The following SSBP2 variants were observed in gnomAD, a reference collection of about 807,000 sequenced individuals.
SSBP2 encodes the protein single stranded DNA binding protein 2.
In SSBP2, 17 loss-of-function variants were observed where a neutral mutation model predicts 61.8. The observed-to-expected ratio is 0.28, with a 90% CI of 0.19 to 0.41. The LOEUF is 0.41. Among genes scored for constraint, SSBP2 ranks in the 10% least tolerant of loss-of-function variants. The pLI, the probability that SSBP2 is intolerant of heterozygous loss-of-function variation, is 1.00. For synonymous variants in SSBP2, 139 were observed against 141.3 expected, an observed-to-expected ratio of 0.98 and a Z score of 0.12; for missense variants, 310 against 458.7, an observed-to-expected ratio of 0.68 and a Z score of 2.96.
intron 1 of SSBP2, among the ~76,000 whole-genome samples, chr5:81,663,311 T>C (rs1750847189): frequency 2.0e-5 from 3 of 152,200 alleles, no homozygotes; most frequent in South Asian, 4.1e-4. Flanking sequence ...TATGTATGTA[T>C]ATAATACGAC....
chr5:81,606,225 A>G (rs1581151454), intron 4 of SSBP2, among the ~76,000 whole-genome samples: 1 of 152,300 alleles, frequency 6.6e-6, no homozygotes, highest in Middle Eastern at 3.4e-3. Flanking sequence ...CAGCAACACA[A>G]AAGCCTAGTT....
At chr5:81,686,028 G>A (rs1375707934) in intron 1 of SSBP2, among the ~76,000 whole-genome samples, 1 of 152,118 alleles carries the variant, frequency 6.6e-6, no homozygotes. Context: ...TTCCCAAAAG[G>A]TTAGACAGTA....
At chr5:81,716,079 C>A (rs367843) in intron 1 of SSBP2, among the ~76,000 whole-genome samples, 50,660 of 146,314 alleles carry the variant, frequency 0.35, 9,129 homozygotes, top group Admixed American at 0.51. Context: ...ACAACAACAA[C>A]AAAAAAAAAA....
intron 4 of SSBP2, among the ~76,000 whole-genome samples, chr5:81,561,812 C>A (rs1773060985): frequency 6.6e-6 from 1 of 152,100 alleles, no homozygotes; most frequent in East Asian, 1.9e-4. Context: ...TTTTTAAGGT[C>A]TTGAAAACTC....
chr5:81,503,316 T>G (rs1329384992), intron 5 of SSBP2, among the ~76,000 whole-genome samples: 1 of 151,938 alleles, frequency 6.6e-6, no homozygotes, highest in Non-Finnish European at 1.5e-5. Flanking sequence ...TAGCCGGGTG[T>G]GGTGGTGCAT....
intron 4 of SSBP2, among the ~76,000 whole-genome samples, chr5:81,589,828 A>G (rs1009305872): frequency 6.6e-6 from 1 of 152,108 alleles, no homozygotes; most frequent in Non-Finnish European, 1.5e-5. Context: ...GCAACATAAC[A>G]TGGCAGACAC....
intron 5 of SSBP2, among the ~76,000 whole-genome samples, 184 bp downstream of exon 5, chr5:81,513,444 T>C (rs1341055161): frequency 6.6e-6 from 1 of 152,134 alleles, no homozygotes; most frequent in African/African-American, 2.4e-5. Context: ...ATACATAATC[T>C]AATAACAAAT....
Position 81,610,523 on chromosome 5 carries a change from C to G in SSBP2, c.282+4950G>C, listed in dbSNP as rs183911295. On this transcript the variant is annotated intron_variant, in intron 4 of 16. Transcript: ENST00000320672. ...GTTTAAAGCACCTGATCTTTGGGAA[C>G]TGATAAGAACTATCTACTGTGGCTG... Among the ~76,000 whole-genome samples the G allele has an allele frequency of 8.5e-5, 13 of 152,222 alleles. No individual in the cohort carries two copies. In the East Asian group the frequency reaches 2.3e-3, roughly 27 times the overall value.
At chr5:81,589,256 T>C (rs917344919) in intron 4 of SSBP2, among the ~76,000 whole-genome samples, 4 of 152,204 alleles carry the variant, frequency 2.6e-5, no homozygotes, top group Admixed American at 1.3e-4. Context: ...TTTTGAGATA[T>C]GACAGTTCTG....
chr5:81,493,938 A>G (rs142739311), intron 5 of SSBP2, among the ~76,000 whole-genome samples: 3 of 152,266 alleles, frequency 2.0e-5, no homozygotes, highest in East Asian at 3.9e-4. Context: ...CACTGTTCTA[A>G]GTGGCTAGAT....
intron 2 of SSBP2, among the ~76,000 whole-genome samples, chr5:81,646,062 A>G (rs1749236721): frequency 6.6e-6 from 1 of 152,212 alleles, no homozygotes; most frequent in Admixed American, 6.5e-5. Context: ...TTTTTAGAAA[A>G]TCAAGATTGG....
intron 10 of SSBP2, among the ~76,000 whole-genome samples, chr5:81,449,506 A>G (rs992065518): frequency 6.6e-6 from 1 of 152,166 alleles, no homozygotes; most frequent in African/African-American, 2.4e-5. Context: ...TCCATAAGAG[A>G]TATTTTTGTC....
At chr5:81,527,233 G>C (rs977494656) in intron 4 of SSBP2, among the ~76,000 whole-genome samples, 1 of 151,930 alleles carries the variant, frequency 6.6e-6, no homozygotes, top group African/African-American at 2.4e-5. Flanking sequence ...GATAACTCTG[G>C]TAGCTCTTTG....
intron 1 of SSBP2, among the ~76,000 whole-genome samples, chr5:81,697,360 G>C (rs1753670831): frequency 6.6e-6 from 1 of 152,220 alleles, no homozygotes; most frequent in Non-Finnish European, 1.5e-5. Context: ...GAATTGTCTA[G>C]ATTGGTTGTT....
At chr5:81,487,275 T>A (rs1766455136) in intron 6 of SSBP2, among the ~76,000 whole-genome samples, 1 of 152,190 alleles carries the variant, frequency 6.6e-6, no homozygotes, top group Non-Finnish European at 1.5e-5. Context: ...AGTGCCTGTA[T>A]CCTAAAACTA....
chr5:81,511,587 TCTGA>T (rs1768612610), intron 5 of SSBP2, among the ~76,000 whole-genome samples: 1 of 152,238 alleles, frequency 6.6e-6, no homozygotes, highest in Non-Finnish European at 1.5e-5. Context: ...TTTATACTAT[TCTGA>T]CTTTCTGAAA....
chr5:81,542,672 T>C (rs908036371), intron 4 of SSBP2, among the ~76,000 whole-genome samples: 1 of 152,006 alleles, frequency 6.6e-6, no homozygotes, highest in African/African-American at 2.4e-5. Flanking sequence ...CCAAATCTCA[T>C]CTGGAATTGT....
At chr5:81,605,294 G>T (rs1053497212) in intron 4 of SSBP2, among the ~76,000 whole-genome samples, 1 of 152,020 alleles carries the variant, frequency 6.6e-6, no homozygotes, top group Non-Finnish European at 1.5e-5. Flanking sequence ...AATATTTAAT[G>T]ACATGATAAA....
intron 1 of SSBP2, among the ~76,000 whole-genome samples, chr5:81,722,329 G>T (rs1330008324): frequency 6.6e-6 from 1 of 151,396 alleles, no homozygotes; most frequent in Admixed American, 6.6e-5. Flanking sequence ...TAACTATACA[G>T]GCACATTGTG....
Sources: allele counts gnomAD v4.1 joint callset (sites outside exome capture counted in the v4.1 genomes callset), GRCh38; gene constraint gnomAD v4.1.1; transcripts MANE v1.5; gene names NCBI Gene and HGNC (gene_info 2026-07-23, HGNC 2026-07-21).